Variants in CEP85L observed in about 807,000 individuals in gnomAD.
The protein encoded by CEP85L is centrosomal protein 85L.
Under a neutral mutation model 100.3 loss-of-function variants are expected in CEP85L, and 60 were observed. The observed-to-expected ratio is 0.60, with a 90% CI of 0.49 to 0.74. The LOEUF is 0.74. Ranked by LOEUF, CEP85L falls within the 30% of genes least tolerant of loss-of-function variation. The probability of loss-of-function intolerance (pLI) is 0.00; values close to 1 mark genes in which losing one functional copy is unlikely to be tolerated. For missense variants in CEP85L, 973 were observed against 936.2 expected, an observed-to-expected ratio of 1.04 and a Z score of -0.51; for synonymous variants, 319 against 322.7, an observed-to-expected ratio of 0.99 and a Z score of 0.12.
chr6:118,535,366 CG>C (rs1170773936), intron 3 of CEP85L, among the ~76,000 whole-genome samples: 2 of 152,052 alleles, frequency 1.3e-5, no homozygotes, highest in African/African-American at 4.8e-5. Flanking sequence ...GGTTGCCAAG[CG>C]GGGTAGAGGA....
At chr6:118,616,129 A>C (rs937851566) in intron 2 of CEP85L, among the ~76,000 whole-genome samples, 4 of 152,218 alleles carry the variant, frequency 2.6e-5, no homozygotes, top group African/African-American at 9.6e-5. Flanking sequence ...ATGAGAAAAT[A>C]TCTTCAAGAT....
intron 2 of CEP85L, among the ~76,000 whole-genome samples, chr6:118,593,935 T>G (rs937009364): frequency 6.6e-6 from 1 of 152,160 alleles, no homozygotes; most frequent in African/African-American, 2.4e-5. Flanking sequence ...AAACCCCTTT[T>G]ACCTTGCTGG....
intron 5 of CEP85L, among the ~76,000 whole-genome samples, chr6:118,495,474 C>A (rs1307275034): frequency 6.6e-6 from 1 of 152,270 alleles, no homozygotes; most frequent in Non-Finnish European, 1.5e-5. Context: ...GGGCTTTTCC[C>A]TCTTTGCTCA....
intron 1 of CEP85L, among the ~76,000 whole-genome samples, chr6:118,709,800 CAGGACTCCAGCA>C (rs1777728373): frequency 6.6e-6 from 1 of 152,138 alleles, no homozygotes; most frequent in African/African-American, 2.4e-5. Context: ...GGCTGCTTAT[CAGGACTCCAGCA>C]AGGACACCAT....
At chr6:118,561,223 G>A (rs1272452477) in intron 3 of CEP85L, among the ~76,000 whole-genome samples, 1 of 152,086 alleles carries the variant, frequency 6.6e-6, no homozygotes, top group Non-Finnish European at 1.5e-5. Flanking sequence ...TAAACAACAG[G>A]TGATACACTC....
intron 3 of CEP85L, chr6:118,559,307 A>C: frequency 1.9e-6 from 1 of 529,390 alleles, no homozygotes; most frequent in Non-Finnish European, 3.5e-6. Context: ...CTTCAAAATA[A>C]GTGTATAAAA....
At chr6:118,676,417 T>G (rs2115437763) in intron 1 of CEP85L, among the ~76,000 whole-genome samples, 1 of 152,348 alleles carries the variant, frequency 6.6e-6, no homozygotes, top group Middle Eastern at 3.4e-3. Context: ...AGATTCCACA[T>G]TATCATTGAC....
intron 1 of CEP85L, among the ~76,000 whole-genome samples, chr6:118,672,271 CAA>C (rs1367143839): frequency 1.3e-5 from 2 of 152,128 alleles, no homozygotes; most frequent in African/African-American, 4.8e-5. Flanking sequence ...CTCCTGGCCT[CAA>C]GTGATCTGCC....
At chr6:118,547,008 C>T (rs901247416) in intron 3 of CEP85L, among the ~76,000 whole-genome samples, 6 of 151,984 alleles carry the variant, frequency 3.9e-5, no homozygotes, top group African/African-American at 1.4e-4. Context: ...TTGGAAGAAG[C>T]CAAGATCATT....
intron 3 of CEP85L, among the ~76,000 whole-genome samples, chr6:118,545,116 C>T (rs1583017255): frequency 1.3e-5 from 2 of 152,122 alleles, no homozygotes; most frequent in South Asian, 4.1e-4. Flanking sequence ...TTTACTGTAT[C>T]TCTGTCTAAA....
At chr6:118,646,366 A>C (rs1775190818) in intron 1 of CEP85L, among the ~76,000 whole-genome samples, 1 of 152,086 alleles carries the variant, frequency 6.6e-6, no homozygotes, top group African/African-American at 2.4e-5. Context: ...ATAATGAATA[A>C]CATGTTATTG....
intron 3 of CEP85L, among the ~76,000 whole-genome samples, chr6:118,527,558 G>GA (rs1160302764): frequency 6.6e-6 from 1 of 152,136 alleles, no homozygotes; most frequent in African/African-American, 2.4e-5. Flanking sequence ...TCTACTTAAT[G>GA]AAACTCCGCA....
Position 118,674,264 on chromosome 6 carries a change from G to A in CEP85L, c.-27-21456C>T, listed in dbSNP as rs200504316. Among the ~76,000 whole-genome samples the A allele has an allele frequency of 2.6e-5, 4 of 152,292 alleles. No homozygotes were observed. The East Asian group carries it at 7.7e-4, about 29-fold the overall frequency. On this transcript the variant is annotated intron_variant, in intron 1 of 13. Coordinates refer to the CEP85L transcript ENST00000368488. Reference sequence around the variant, plus strand: ...CAGTGGGCTGGGCATGGTGGCTCACGCCTGTAATCCCAGCACTTTGGGAGG... The same window carrying A: ...CAGTGGGCTGGGCATGGTGGCTCACACCTGTAATCCCAGCACTTTGGGAGG...
intron 5 of CEP85L, among the ~76,000 whole-genome samples, chr6:118,497,254 G>C (rs987009097): frequency 1.1e-4 from 16 of 152,156 alleles, no homozygotes; most frequent in Non-Finnish European, 2.4e-4. Flanking sequence ...TCCTGAGATT[G>C]CCACAAAAGC....
At chr6:118,555,566 A>G (rs1032949922) in intron 3 of CEP85L, among the ~76,000 whole-genome samples, 19 of 152,216 alleles carry the variant, frequency 1.2e-4, no homozygotes, top group Non-Finnish European at 2.2e-4. Flanking sequence ...TCAATAAAGA[A>G]CAAAAGAAAA....
intron 1 of CEP85L, among the ~76,000 whole-genome samples, 161 bp downstream of exon 1, chr6:118,651,035 GC>G (rs1443428543): frequency 6.6e-6 from 1 of 152,204 alleles, no homozygotes; most frequent in East Asian, 1.9e-4. Flanking sequence ...CCATATGTCA[GC>G]CCGGGTGCTG....
intron 1 of CEP85L, among the ~76,000 whole-genome samples, chr6:118,696,611 G>A (rs1014413720): frequency 3.3e-5 from 5 of 152,180 alleles, no homozygotes; most frequent in Admixed American, 3.3e-4. Flanking sequence ...GATCAATGGG[G>A]AAGAAGAATG....
At chr6:118,531,301 T>C (rs971026435) in intron 3 of CEP85L, among the ~76,000 whole-genome samples, 2 of 152,166 alleles carry the variant, frequency 1.3e-5, no homozygotes, top group African/African-American at 4.8e-5. Flanking sequence ...AATAACTGGC[T>C]AGCCATACAC....
chr6:118,519,578 GT>G lies in CEP85L; in HGVS notation c.1139+4223del, dbSNP rs1315355782. Among the ~76,000 whole-genome samples the G allele has an allele frequency of 1.3e-3, 21 of 16,128 alleles. 1 individual carries two copies. The highest frequency in any genetic ancestry group is 0.016 in the Middle Eastern group (1 of 64). The allele number at this position is 16,128 out of a possible 152,430, so 10.6% of individuals were successfully genotyped here. A position where few individuals can be genotyped will look rare whatever the true frequency, so the allele number is the denominator to read the frequency against. On this transcript the variant is annotated intron_variant, in intron 4 of 12. Transcript: ENST00000368491. ...TGTGTGTGTGTGTGTGTGTGTGTGT[GT>G]GTGGCGGGGGGGGGGTGTGAAACTC...
Sources: gnomAD v4.1 joint callset for allele counts (sites outside exome capture counted in the v4.1 genomes callset) on GRCh38, gnomAD v4.1.1 for gene constraint, MANE v1.5 for transcripts, NCBI Gene and HGNC (gene_info 2026-07-23, HGNC 2026-07-21) for gene names.